The following FABP3 variants were observed in gnomAD, a reference collection of about 807,000 sequenced individuals.
FABP3 encodes the protein fatty acid binding protein 3.
FABP3 carries 8 observed loss-of-function variants against 13.4 expected under a neutral mutation model. That is an observed-to-expected ratio of 0.60 (90% CI 0.35 to 1.07). The LOEUF (loss-of-function observed/expected upper bound fraction) is 1.07, where lower values mean the gene tolerates loss of function less well. FABP3 is among the 50% of genes least tolerant of loss of function. FABP3 has a pLI of 0.02. For synonymous variants in FABP3, 64 were observed against 60.0 expected, an observed-to-expected ratio of 1.07 and a Z score of -0.31; for missense variants, 135 against 164.7, an observed-to-expected ratio of 0.82 and a Z score of 0.99.
the FABP3 span, among the ~76,000 whole-genome samples, chr1:31,359,877 G>A: frequency 6.6e-6 from 1 of 151,682 alleles, no homozygotes; most frequent in Non-Finnish European, 1.5e-5. Flanking sequence ...ATTATCTTCT[G>A]TTTCCCTTCT....
At chr1:31,363,987 G>A (rs901016822), downstream of FABP3, 9 of 1,593,572 alleles carry the variant, frequency 5.6e-6, no homozygotes, top group Admixed American at 3.6e-5. Context: ...ATTGTTAAAA[G>A]CAAATATACA....
intron 2 of FABP3, 53 bp from the exon 3 acceptor site, chr1:31,367,547 G>A: frequency 6.8e-7 from 1 of 1,473,528 alleles, no homozygotes; most frequent in Non-Finnish European, 9.5e-7. Context: ...GAATTGAGGG[G>A]CAGGGTGGGG....
rs144363740 is a variant in FABP3, at chr1:31,369,157, A to G, written c.246+228T>C. ...CTGTGCTGCCCATTCCGAGGCAGAC[A>G]ATAGATGAATCCCAAGAAGGGAGGG... On this transcript the variant is annotated intron_variant, in intron 2 of 3. Transcript: ENST00000373713. 600 of 536,842 alleles carry G rather than the reference A, an allele frequency of 1.1e-3. 1 individual carries two copies. The highest frequency in any genetic ancestry group is 9.6e-3 in the African/African-American group (515 of 53,456). The allele number at this position is 536,842 out of a possible 1,614,324, so 33.3% of individuals were successfully genotyped here.
downstream of FABP3, among the ~76,000 whole-genome samples, chr1:31,362,920 T>C (rs569083960): frequency 1.3e-5 from 2 of 152,344 alleles, no homozygotes; most frequent in Non-Finnish European, 2.9e-5. Flanking sequence ...CTTTCCCCCA[T>C]TCAGTTCATT....
chr1:31,369,709 C>T lies in FABP3; in HGVS notation c.74-152G>A, dbSNP rs563599544. Reference sequence around the variant, plus strand: ...ATGGGAATTTTAAAATTCAGTCTTGCGCTTAGTTCTGTTTGGTGAACACAG... The same window carrying T: ...ATGGGAATTTTAAAATTCAGTCTTGTGCTTAGTTCTGTTTGGTGAACACAG... On this transcript the variant is annotated intron_variant, in intron 1 of 3. Transcript: ENST00000373713. 161 of 696,386 alleles carry T rather than the reference C, an allele frequency of 2.3e-4. No homozygotes were observed. The East Asian group carries it at 3.8e-3, about 16-fold the overall frequency. 43.1% of individuals were successfully genotyped at this position (696,386 alleles called of 1,614,324 possible). A position where few individuals can be genotyped will look rare whatever the true frequency, so the allele number is the denominator to read the frequency against.
At chr1:31,368,102 C>A (rs1032697766) in intron 2 of FABP3, among the ~76,000 whole-genome samples, 1 of 152,220 alleles carries the variant, frequency 6.6e-6, no homozygotes, top group Non-Finnish European at 1.5e-5. Context: ...AGTGGTTCCT[C>A]AGCTCTGGGT....
At chr1:31,369,177 G>C in intron 2 of FABP3, 1 of 573,820 alleles carries the variant, frequency 1.7e-6, no homozygotes, top group African/African-American at 1.8e-5. Flanking sequence ...TCCCAAGAAG[G>C]GAGGGAAGAA....
intron 3 of FABP3, among the ~76,000 whole-genome samples, chr1:31,366,901 G>T (rs2148494093): frequency 6.6e-6 from 1 of 152,278 alleles, no homozygotes; most frequent in East Asian, 1.9e-4. Context: ...CAGTCCTAGG[G>T]AGGAGAGGAA....
downstream of FABP3, chr1:31,364,184 C>G: frequency 6.2e-7 from 1 of 1,613,218 alleles, no homozygotes; most frequent in Non-Finnish European, 8.5e-7. Flanking sequence ...AGAAGAAGCA[C>G]AAGGAGTGAG....
chr1:31,372,357 C>T (rs911274199), intron 1 of FABP3, among the ~76,000 whole-genome samples: 2 of 152,176 alleles, frequency 1.3e-5, no homozygotes, highest in Non-Finnish European at 2.9e-5. Context: ...CAAGGTCAGA[C>T]TGGCTGGTGA....
downstream of FABP3, among the ~76,000 whole-genome samples, chr1:31,361,567 G>T (rs1639895083): frequency 6.6e-6 from 1 of 152,244 alleles, no homozygotes; most frequent in African/African-American, 2.4e-5. Flanking sequence ...TCCAAAATTT[G>T]TTGTTCTAAT....
chr1:31,369,461 G>T lies in FABP3; in HGVS notation c.170C>A (p.Thr57Asn). The stretch of plus-strand genomic sequence containing the variant: ...AAAGCTGATCTCTGTGTTCTTGAAG[G>T]TGCTGTGTGTTTTTAGGGTGAGAAT... ...GDILTLKTHS[T>N]FKNTEISFKL... Residue 57 changes from threonine to asparagine, a missense_variant, in exon 2 of 4, where the codon ACC becomes AAC. Coordinates refer to ENST00000373713, the MANE Select transcript of FABP3 (RefSeq NM_004102.5). The T allele has an allele frequency of 6.2e-7, 1 of 1,614,132 alleles. No homozygotes were observed. The highest frequency in any genetic ancestry group is 8.5e-7 in the Non-Finnish European group (1 of 1,180,038).
chr1:31,365,981 A>G, intron 3 of FABP3, 42 bp from the exon 4 acceptor site: 1 of 1,583,666 alleles, frequency 6.3e-7, no homozygotes, highest in East Asian at 2.2e-5. Context: ...GGAGCCAGGA[A>G]CACCATTGCG....
chr1:31,364,082 C>T, downstream of FABP3: 2 of 1,613,766 alleles, frequency 1.2e-6, no homozygotes, highest in Middle Eastern at 3.3e-4. Flanking sequence ...ACTCTGACAG[C>T]TCAGACTCTG....
chr1:31,364,217 G>C, downstream of FABP3: 2 of 1,598,448 alleles, frequency 1.3e-6, no homozygotes, highest in Non-Finnish European at 1.7e-6. Flanking sequence ...GTAGGGGGTG[G>C]TTGAGAGTAA....
At chr1:31,364,073 C>T (rs1245397930), downstream of FABP3, 2 of 1,613,762 alleles carry the variant, frequency 1.2e-6, no homozygotes, top group East Asian at 2.2e-5. Context: ...AGTCATCTGA[C>T]TCTGACAGCT....
downstream of FABP3, among the ~76,000 whole-genome samples, chr1:31,361,141 T>C (rs1639874160): frequency 6.6e-6 from 1 of 152,226 alleles, no homozygotes; most frequent in Non-Finnish European, 1.5e-5. Flanking sequence ...ATAGCTAAAC[T>C]ATTGATTTGC....
intron 3 of FABP3, 128 bp downstream of exon 3, chr1:31,367,265 A>T: frequency 1.3e-6 from 1 of 791,826 alleles, no homozygotes; most frequent in Admixed American, 1.8e-5. Flanking sequence ...TACCACCCTG[A>T]CCCACAACCA....
intron 1 of FABP3, among the ~76,000 whole-genome samples, chr1:31,372,505 C>T (rs1046036520): frequency 1.3e-5 from 2 of 152,146 alleles, no homozygotes; most frequent in Non-Finnish European, 2.9e-5. Context: ...AATCTTTTTC[C>T]TCCTAGGTAT....
Sources: allele counts gnomAD v4.1 joint callset (sites outside exome capture counted in the v4.1 genomes callset), GRCh38; gene constraint gnomAD v4.1.1; transcripts MANE v1.5; gene names NCBI Gene and HGNC (gene_info 2026-07-23, HGNC 2026-07-21).